CAB39L: variants seen among roughly 807,000 people sequenced by gnomAD.
CAB39L encodes calcium-binding protein 39-like.
In CAB39L, 23 loss-of-function variants were observed where a neutral mutation model predicts 39.1. The ratio of observed to expected loss-of-function variants is 0.59; its 90% CI spans 0.42 to 0.83. CAB39L has a LOEUF of 0.83. Among genes scored for constraint, CAB39L ranks in the 40% least tolerant of loss-of-function variants. CAB39L has a pLI of 0.00. For missense variants in CAB39L, 366 were observed against 391.9 expected (o/e 0.93, Z 0.56); for synonymous variants, 126 against 137.2 (o/e 0.92, Z 0.57).
chr13:49,314,003 T>G (rs982670893), intron 10 of CAB39L, among the ~76,000 whole-genome samples: 5 of 152,250 alleles, frequency 3.3e-5, no homozygotes, highest in African/African-American at 1.2e-4. Context: ...GGCGATGACA[T>G]TACATTTCCG....
chr13:49,439,921 G>T (rs113526776), intron 1 of CAB39L, among the ~76,000 whole-genome samples: 6,013 of 78,996 alleles, frequency 0.076, 771 homozygotes, highest in African/African-American at 0.26. Flanking sequence ...TTTTTAATGG[G>T]TTTTTTTTTT....
At chr13:49,382,067 A>G (rs1267808725) in intron 4 of CAB39L, among the ~76,000 whole-genome samples, 1 of 152,144 alleles carries the variant, frequency 6.6e-6, no homozygotes, top group African/African-American at 2.4e-5. Flanking sequence ...GTGTAATCTG[A>G]ATTTATTGTG....
At chr13:49,439,507 AG>A (rs2138753354) in intron 1 of CAB39L, among the ~76,000 whole-genome samples, 1 of 152,334 alleles carries the variant, frequency 6.6e-6, no homozygotes, top group East Asian at 1.9e-4. Flanking sequence ...ATGGACACAT[AG>A]GTTGATTCCA....
At chr13:49,328,561 GGGTATGGT>G (rs1248037244) in intron 10 of CAB39L, among the ~76,000 whole-genome samples, 2 of 152,022 alleles carry the variant, frequency 1.3e-5, no homozygotes, top group African/African-American at 4.8e-5. Context: ...TATTATGGCT[GGGTATGGT>G]GGTTCATACC....
chr13:49,443,463 A>G (rs918205186), intron 1 of CAB39L, among the ~76,000 whole-genome samples: 22 of 152,154 alleles, frequency 1.4e-4, no homozygotes, highest in African/African-American at 4.8e-4. Context: ...CGCGAAGAGC[A>G]AACTGTTTAG....
intron 5 of CAB39L, among the ~76,000 whole-genome samples, chr13:49,376,175 T>C (rs961237842): frequency 2.0e-5 from 3 of 152,250 alleles, no homozygotes; most frequent in African/African-American, 7.2e-5. Context: ...TCACTTTGCA[T>C]ATCTCCTCTA....
chr13:49,397,154 T>C (rs778325509), intron 3 of CAB39L, among the ~76,000 whole-genome samples: 6 of 152,218 alleles, frequency 3.9e-5, no homozygotes, highest in Non-Finnish European at 8.8e-5. Context: ...ATTTTTCCAT[T>C]TTAAAATATG....
At chr13:49,343,824 A>G (rs1955069976) in intron 8 of CAB39L, among the ~76,000 whole-genome samples, 2 of 152,206 alleles carry the variant, frequency 1.3e-5, no homozygotes, top group African/African-American at 4.8e-5. Context: ...ACTACTAAGT[A>G]AGACTAATTA....
At chr13:49,393,413 G>A (rs1336769267) in intron 3 of CAB39L, among the ~76,000 whole-genome samples, 4 of 151,912 alleles carry the variant, frequency 2.6e-5, no homozygotes, top group Admixed American at 6.6e-5. Context: ...AAATAAAACA[G>A]AGAAATAGAA....
At chr13:49,333,941 G>T (rs1259344793) in intron 9 of CAB39L, among the ~76,000 whole-genome samples, 1 of 152,078 alleles carries the variant, frequency 6.6e-6, no homozygotes, top group East Asian at 1.9e-4. Context: ...CACACTTAGC[G>T]TCTCTAAAAC....
At chr13:49,431,332 C>T in intron 3 of CAB39L, among the ~76,000 whole-genome samples, 1 of 152,120 alleles carries the variant, frequency 6.6e-6, no homozygotes. Flanking sequence ...AGGAGTATTC[C>T]ATTGTATAGA....
At chr13:49,406,972 T>C (rs1956894067) in intron 3 of CAB39L, among the ~76,000 whole-genome samples, 1 of 152,202 alleles carries the variant, frequency 6.6e-6, no homozygotes, top group African/African-American at 2.4e-5. Context: ...ATGTTAAAAT[T>C]TAATTATTTT....
At chr13:49,436,850 G>A (rs1214813694) in intron 1 of CAB39L, among the ~76,000 whole-genome samples, 1 of 152,058 alleles carries the variant, frequency 6.6e-6, no homozygotes, top group African/African-American at 2.4e-5. Flanking sequence ...TTAAATTCTG[G>A]TAGGAGTACT....
At chr13:49,359,882 T>C (rs1191621672) in intron 5 of CAB39L, 50 bp from the exon 6 acceptor site, 4 of 984,044 alleles carry the variant, frequency 4.1e-6, no homozygotes, top group South Asian at 1.3e-5. Context: ...AATGGATGAA[T>C]TGTATAGTAT....
intron 3 of CAB39L, among the ~76,000 whole-genome samples, chr13:49,420,897 T>C (rs184855208): frequency 8.5e-5 from 13 of 152,176 alleles, no homozygotes; most frequent in Admixed American, 2.6e-4. Flanking sequence ...CTAAGGGACT[T>C]AGAAATAAAT....
chr13:49,341,260 CT>C (rs200675554), intron 8 of CAB39L, among the ~76,000 whole-genome samples: 36 of 146,330 alleles, frequency 2.5e-4, no homozygotes, highest in East Asian at 5.9e-4. Flanking sequence ...TTTTCTTTTT[CT>C]TTTTTTTTTT....
intron 10 of CAB39L, among the ~76,000 whole-genome samples, chr13:49,322,321 C>T (rs993175031): frequency 3.9e-5 from 6 of 152,188 alleles, no homozygotes; most frequent in Admixed American, 2.6e-4. Context: ...TAGCATGTTA[C>T]GAATGCCACA....
intron 4 of CAB39L, among the ~76,000 whole-genome samples, chr13:49,378,722 C>T (rs1407544356): frequency 4.6e-5 from 2 of 43,116 alleles, no homozygotes; most frequent in South Asian, 9.8e-4. Flanking sequence ...GTGGGGGTGT[C>T]GGCCCCCCGC....
At chr13:49,319,540 T>C (rs1328402494) in intron 10 of CAB39L, among the ~76,000 whole-genome samples, 1 of 151,930 alleles carries the variant, frequency 6.6e-6, no homozygotes, top group Non-Finnish European at 1.5e-5. Flanking sequence ...TACAACATCG[T>C]AAATACACTA....
Sources: gnomAD v4.1 joint callset for allele counts (sites outside exome capture counted in the v4.1 genomes callset) on GRCh38, gnomAD v4.1.1 for gene constraint, MANE v1.5 for transcripts, NCBI Gene and HGNC (gene_info 2026-07-23, HGNC 2026-07-21) for gene names.